The following PCNX3 variants were observed in gnomAD, a reference collection of about 807,000 sequenced individuals.
PCNX3 encodes the protein pecanex-like protein 3.
Under a neutral mutation model 207.2 loss-of-function variants are expected in PCNX3, and 58 were observed. The observed-to-expected ratio is 0.28, with a 90% confidence interval of 0.23 to 0.35. PCNX3 has a LOEUF of 0.35. PCNX3 is among the 10% of genes least tolerant of loss of function. PCNX3 has a pLI of 1.00. For synonymous variants in PCNX3, 1,337 were observed against 1,183.5 expected (o/e 1.13, Z -2.66); for missense variants, 2,410 against 2,774.4 (o/e 0.87, Z 2.95).
chr11:65,625,824 C>T lies in PCNX3; in HGVS notation c.3228+80C>T. 6.3e-7 allele frequency: 1 copy of T among 1,596,622 alleles called. No homozygotes were observed. Among genetic ancestry groups the T allele is most frequent in the Non-Finnish European group, 8.5e-7 (1 of 1,171,314 alleles). Reference sequence around the variant, plus strand: ...AATCTGAGTGCCGTGGGCAGCCCCTCCCCGGCCTGTGCCAGGTGGCCCTCT... The same window carrying T: ...AATCTGAGTGCCGTGGGCAGCCCCTTCCCGGCCTGTGCCAGGTGGCCCTCT... On this transcript the variant is annotated intron_variant, in intron 19 of 34. Transcript: ENST00000355703. The surrounding 1 kb of genome is among the most constrained non-coding windows in gnomAD (Gnocchi z 5.6).
Position 65,637,030 on chromosome 11 carries a change from C to T in PCNX3, c.*52C>T. On this transcript the variant is annotated 3_prime_UTR_variant, in exon 35 of 35. Coordinates refer to ENST00000355703, the MANE Select transcript of PCNX3 (RefSeq NM_032223.4). ...CCTAGGATTCAGTAACGGACCTGCT[C>T]TGCTGCCTCTCTGCTGGACCACAGA... 12 of 1,511,266 alleles carry T rather than the reference C, an allele frequency of 7.9e-6. No individual in the cohort carries two copies. The South Asian group carries it at 8.4e-5, about 11-fold the overall frequency. The allele number at this position is 1,511,266 out of a possible 1,614,324, so 93.6% of individuals were successfully genotyped here.
intron 27 of PCNX3, 180 bp from the exon 28 acceptor site, chr11:65,633,946 G>C: frequency 1.6e-6 from 1 of 624,950 alleles, no homozygotes; most frequent in Non-Finnish European, 2.8e-6. Flanking sequence ...CTCCTCCCTG[G>C]TCTAGGGGAA....
At position 65,630,568 on chromosome 11, in the gene PCNX3, C is replaced by T. The variant is rs538692815; in HGVS notation, c.4434C>T (p.Phe1478=). The part of the protein sequence containing the change: ...DNNAASMLQV[F]DLRKILITYY... ...ATGCTGCCTCCATGCTGCAGGTTTT[C>T]GACCTCCGCAAGATCCTCATCACCT... Residue 1478 remains phenylalanine, a synonymous_variant, in exon 27 of 35, where the codon TTC becomes TTT. Coordinates refer to ENST00000355703, the MANE Select transcript of PCNX3 (RefSeq NM_032223.4). The T allele has an allele frequency of 1.4e-5, 22 of 1,613,054 alleles. No individual in the cohort carries two copies. The African/African-American group carries it at 1.7e-4, about 13-fold the overall frequency.
At chr11:65,630,076 C>G (rs1289118520) in intron 26 of PCNX3, among the ~76,000 whole-genome samples, 1 of 152,236 alleles carries the variant, frequency 6.6e-6, no homozygotes, top group Admixed American at 6.5e-5. Flanking sequence ...TGAGCCAGCT[C>G]CTTCCTCTCA....
rs749853594 is a variant in PCNX3 at position 65,619,952 on chromosome 11, G to A, written c.2008+20G>A. 21 of 1,584,346 alleles carry A rather than the reference G, an allele frequency of 1.3e-5. No homozygotes were observed. Among genetic ancestry groups the A allele is most frequent in the East Asian group, 4.5e-5 (2 of 44,346 alleles). ...AGAGCGGTGAGCCTTTCCCAAGCCC[G>A]GTGGCCCAGTGCCTCCCCGCCTTCC... On this transcript the variant is annotated intron_variant, in intron 8 of 34. Transcript: ENST00000355703.
chr11:65,627,983 G>A (rs948181045), intron 22 of PCNX3, among the ~76,000 whole-genome samples: 3 of 152,196 alleles, frequency 2.0e-5, no homozygotes, highest in Non-Finnish European at 4.4e-5. Flanking sequence ...CTAGTGCCTG[G>A]GTGTGTATAG....
intron 13 of PCNX3, 78 bp downstream of exon 13, chr11:65,624,039 A>G: frequency 1.9e-6 from 3 of 1,594,244 alleles, no homozygotes; most frequent in South Asian, 1.1e-5. Flanking sequence ...AGGGTAGGGT[A>G]TGGAGGGCTG....
Position 65,625,593 on chromosome 11 carries a change from G to A in PCNX3, c.3136-59G>A. 2 of 1,593,502 alleles carry A rather than the reference G, an allele frequency of 1.3e-6. No individual in the cohort carries two copies. Among genetic ancestry groups the A allele is most frequent in the Non-Finnish European group, 1.7e-6 (2 of 1,169,454 alleles). On this transcript the variant is annotated intron_variant, in intron 18 of 34. Transcript: ENST00000355703. This position sits in a 1 kb window ranked among gnomAD's most constrained non-coding sequence, Gnocchi z 5.6. ...GGGAGGGGCATGTCCAGCTTGGGCT[G>A]CTGGGCAGCTGAGTGTCTCTCCTGG... is the stretch of plus-strand genomic sequence containing the variant.
intron 27 of PCNX3, among the ~76,000 whole-genome samples, chr11:65,632,879 G>A (rs1014146381): frequency 7.3e-5 from 11 of 151,442 alleles, no homozygotes; most frequent in African/African-American, 2.2e-4. Flanking sequence ...CAGGTAGCTG[G>A]GACTACAGGC....
rs961829146 is a variant in PCNX3 at position 65,629,819 on chromosome 11, G to A, written c.4216+84G>A. ...GTGTTCAATAGCACGTGCGAAGGAGGTCCAGTCCAGCTCTGTCCAGGCTGG... is the reference window on the plus strand; with the variant it reads ...GTGTTCAATAGCACGTGCGAAGGAGATCCAGTCCAGCTCTGTCCAGGCTGG... On this transcript the variant is annotated intron_variant, in intron 26 of 34. Coordinates refer to ENST00000355703, the MANE Select transcript of PCNX3 (RefSeq NM_032223.4). The A allele has an allele frequency of 2.1e-6, 3 of 1,421,604 alleles. No homozygotes were observed. The African/African-American group carries it at 4.2e-5, about 20-fold the overall frequency. 88.1% of individuals were successfully genotyped at this position (1,421,604 alleles called of 1,614,324 possible).
chr11:65,634,933 G>A (rs770368054), intron 29 of PCNX3, 40 bp from the exon 30 acceptor site: 19 of 1,589,644 alleles, frequency 1.2e-5, no homozygotes, highest in African/African-American at 1.1e-4. Context: ...CTGGGTCCTC[G>A]ACACCCCTCT....
chr11:65,631,173 C>T (rs552104533), intron 27 of PCNX3, among the ~76,000 whole-genome samples: 1 of 144,316 alleles, frequency 6.9e-6, no homozygotes, highest in East Asian at 1.9e-4. Context: ...CCTGCCTTAG[C>T]CTGGGGGCTC....
At position 65,617,959 on chromosome 11, in the gene PCNX3, G is replaced by A. The variant is rs368247343; in HGVS notation, c.597G>A (p.Thr199=). The stretch of plus-strand genomic sequence containing the variant: ...TGGCAGTTGGAGACCTTCCCCAGAC[G>A]CCTCCAGGGGCTGTCCCAGACCCCT... ...QEKLIGDLPQ[T]PPGAVPDPSL... is the part of the protein sequence containing the mutation. Residue 199 remains threonine, a synonymous_variant, in exon 6 of 35, where the codon ACG becomes ACA. Transcript: ENST00000355703. 1.1e-4 allele frequency: 179 copies of A among 1,577,966 alleles called. No individual in the cohort carries two copies. The African/African-American group carries it at 1.2e-3, about 11-fold the overall frequency.
chr11:65,629,209 C>A, intron 24 of PCNX3, 148 bp from the exon 25 acceptor site: 1 of 956,770 alleles, frequency 1.0e-6, no homozygotes, highest in Non-Finnish European at 1.6e-6. Context: ...TGAGTCCCTT[C>A]ATGTACCTGA....
At chr11:65,626,860 A>G in intron 20 of PCNX3, 44 bp from the exon 21 acceptor site, 1 of 1,561,946 alleles carries the variant, frequency 6.4e-7, no homozygotes, top group Non-Finnish European at 8.7e-7. Context: ...CAGGGAAGGC[A>G]GGCATGTGGA....
At chr11:65,620,455 A>C in intron 9 of PCNX3, 26 bp downstream of exon 9, 1 of 1,607,308 alleles carries the variant, frequency 6.2e-7, no homozygotes, top group Non-Finnish European at 8.5e-7. Flanking sequence ...TGGCCTCCCA[A>C]GCCATTGTCT....
rs1238028667 is a variant in PCNX3 at position 65,618,436 on chromosome 11, G to C, written c.1074G>C (p.Thr358=). The C allele has an allele frequency of 6.2e-7, 1 of 1,611,666 alleles. No homozygotes were observed. Among genetic ancestry groups the C allele is most frequent in the East Asian group, 2.2e-5 (1 of 44,824 alleles). Residue 358 remains threonine (T), a synonymous_variant, in exon 6 of 35, where the codon ACG becomes ACC. Coordinates refer to ENST00000355703, the MANE Select transcript of PCNX3 (RefSeq NM_032223.4). Reference sequence around the variant, plus strand: ...ACGCCGGGGTCCCCTCAGATGACACGCTGCGTTCCTTTGACACGGTCATTG... The same window carrying C: ...ACGCCGGGGTCCCCTCAGATGACACCCTGCGTTCCTTTGACACGGTCATTG... ...SPDAGVPSDD[T]LRSFDTVIGA...
chr11:65,623,353 T>C (rs1260182644), intron 11 of PCNX3, 138 bp from the exon 12 acceptor site: 2 of 1,121,256 alleles, frequency 1.8e-6, no homozygotes, highest in Admixed American at 3.2e-5. Flanking sequence ...AAGTTATAGG[T>C]GTTCACATCT....
At chr11:65,621,701 C>T (rs989687943) in intron 10 of PCNX3, among the ~76,000 whole-genome samples, 8 of 152,194 alleles carry the variant, frequency 5.3e-5, no homozygotes, top group South Asian at 2.1e-4. Flanking sequence ...AGGGCAGGGC[C>T]GGGCCCATAG....
Sources: gnomAD v4.1 joint callset for allele counts (sites outside exome capture counted in the v4.1 genomes callset) on GRCh38, gnomAD v4.1.1 for gene constraint, Gnocchi (gnomAD v3.1) non-coding constraint, MANE v1.5 for transcripts, NCBI Gene and HGNC (gene_info 2026-07-23, HGNC 2026-07-21) for gene names.